The following ZNF143 variants were observed in gnomAD, a reference collection of about 807,000 sequenced individuals.
ZNF143 encodes SPH-binding factor.
A neutral mutation model predicts 74.1 loss-of-function variants in ZNF143; 49 were observed. The observed-to-expected ratio is 0.66, with a 90% CI of 0.53 to 0.84. ZNF143 has a LOEUF of 0.84. ZNF143 is among the 40% of genes least tolerant of loss of function. ZNF143 has a pLI of 0.00. For missense variants in ZNF143, 637 were observed against 793.4 expected, an observed-to-expected ratio of 0.80 and a Z score of 2.37; for synonymous variants, 304 against 282.8, an observed-to-expected ratio of 1.07 and a Z score of -0.75.
At chr11:9,473,850 G>A (rs1856728521) in intron 3 of ZNF143, 91 bp from the exon 4 acceptor site, 1 of 1,609,742 alleles carries the variant, frequency 6.2e-7, no homozygotes, top group Non-Finnish European at 8.5e-7. Flanking sequence ...CTTAAGTTGT[G>A]TATGTTTTTA....
intron 1 of ZNF143, among the ~76,000 whole-genome samples, chr11:9,462,734 G>A (rs911791980): frequency 6.6e-6 from 1 of 152,064 alleles, no homozygotes; most frequent in African/African-American, 2.4e-5. Context: ...AATTAGCCGG[G>A]TGTGGTGGCA....
At chr11:9,500,389 A>G (rs1339947817) in intron 10 of ZNF143, among the ~76,000 whole-genome samples, 2 of 151,056 alleles carry the variant, frequency 1.3e-5, no homozygotes, top group Non-Finnish European at 2.9e-5. Flanking sequence ...CTATTTCCTG[A>G]CACAGTTAAT....
chr11:9,484,276 C>T (rs886782470), intron 7 of ZNF143, among the ~76,000 whole-genome samples: 6 of 151,346 alleles, frequency 4.0e-5, no homozygotes, highest in Non-Finnish European at 8.8e-5. Flanking sequence ...TCACTGCAGC[C>T]ACTGCCTCCT....
At chr11:9,465,157 G>T (rs1856119073) in intron 1 of ZNF143, among the ~76,000 whole-genome samples, 1 of 152,108 alleles carries the variant, frequency 6.6e-6, no homozygotes, top group Admixed American at 6.6e-5. Flanking sequence ...TGTTTGATTT[G>T]TTAAGCTATT....
intron 12 of ZNF143, among the ~76,000 whole-genome samples, chr11:9,510,131 T>A (rs1468733433): frequency 1.3e-5 from 2 of 151,476 alleles, no homozygotes; most frequent in South Asian, 2.1e-4. Context: ...TTTTTTTTTT[T>A]TTTTTATTTT....
At chr11:9,498,343 C>T (rs1213927581) in intron 10 of ZNF143, among the ~76,000 whole-genome samples, 1 of 152,204 alleles carries the variant, frequency 6.6e-6, no homozygotes, top group African/African-American at 2.4e-5. Flanking sequence ...CCCTAGACCA[C>T]GAGCTCTCTC....
At chr11:9,500,128 G>A (rs1397998347) in intron 10 of ZNF143, among the ~76,000 whole-genome samples, 1 of 151,814 alleles carries the variant, frequency 6.6e-6, no homozygotes, top group Non-Finnish European at 1.5e-5. Context: ...AATTTTTTTT[G>A]TAGAGACGGG....
chr11:9,515,029 G>A (rs1848674889), intron 13 of ZNF143, among the ~76,000 whole-genome samples: 1 of 152,160 alleles, frequency 6.6e-6, no homozygotes, highest in African/African-American at 2.4e-5. Context: ...TCGGGAGGCT[G>A]AGGCAGGAGA....
chr11:9,504,309 A>G (rs1354999581), intron 11 of ZNF143, among the ~76,000 whole-genome samples: 2 of 116,508 alleles, frequency 1.7e-5, no homozygotes, highest in Non-Finnish European at 4.1e-5. Flanking sequence ...TCTTTGGAGA[A>G]ATGTCTATTC....
intron 7 of ZNF143, among the ~76,000 whole-genome samples, chr11:9,479,812 A>G (rs184660869): frequency 2.6e-5 from 4 of 152,228 alleles, no homozygotes; most frequent in Admixed American, 6.5e-5. Flanking sequence ...TTTTCTGGAC[A>G]AGGCAGTTGT....
Position 9,486,403 on chromosome 11 carries a change from T to A in ZNF143, c.645+6857T>A, listed in dbSNP as rs79894810. Among the ~76,000 whole-genome samples, 65 of 17,118 alleles carry A rather than the reference T, an allele frequency of 3.8e-3. 2 individuals are homozygous for A. The highest frequency in any genetic ancestry group is 0.012 in the South Asian group (6 of 520). 11.2% of individuals were successfully genotyped at this position (17,118 alleles called of 152,430 possible). A position where few individuals can be genotyped will look rare whatever the true frequency, so the allele number is the denominator to read the frequency against. On this transcript the variant is annotated intron_variant, in intron 7 of 15. Transcript: ENST00000396602. ...TATATATATAATATATATAATATAT[T>A]ATATATATAATATATATTATATATA...
chr11:9,495,614 T>C (rs1450923421), intron 8 of ZNF143, among the ~76,000 whole-genome samples: 2 of 152,240 alleles, frequency 1.3e-5, no homozygotes, highest in Non-Finnish European at 2.9e-5. Flanking sequence ...ATCTTCACTA[T>C]TTATCAGTAA....
At chr11:9,518,568 T>G (rs1589947917) in intron 14 of ZNF143, among the ~76,000 whole-genome samples, 1 of 151,950 alleles carries the variant, frequency 6.6e-6, no homozygotes, top group South Asian at 2.1e-4. Flanking sequence ...ACAAAAACAT[T>G]AGCCAGGCGT....
chr11:9,476,311 A>G (rs1009238431), intron 5 of ZNF143, among the ~76,000 whole-genome samples: 5 of 152,148 alleles, frequency 3.3e-5, no homozygotes, highest in African/African-American at 1.2e-4. Context: ...TGCTTGTCTC[A>G]TACTAAATGC....
chr11:9,461,497 C>G (rs1033111750), intron 1 of ZNF143, among the ~76,000 whole-genome samples: 2 of 152,156 alleles, frequency 1.3e-5, no homozygotes, highest in Non-Finnish European at 2.9e-5. Flanking sequence ...CCTGGGACGC[C>G]GGGCCCACGG....
intron 9 of ZNF143, among the ~76,000 whole-genome samples, chr11:9,496,595 C>T (rs1432518275): frequency 7.1e-6 from 1 of 140,544 alleles, no homozygotes; most frequent in Admixed American, 6.8e-5. Context: ...TTTTCTTTTT[C>T]TTTTTCTTTT....
At position 9,504,383 on chromosome 11, in the gene ZNF143, C is replaced by T. The variant is rs1315828176; in HGVS notation, c.1147+3113C>T. Among the ~76,000 whole-genome samples the T allele has an allele frequency of 3.9e-5, 5 of 126,830 alleles. 2 individuals are homozygous for T. Among genetic ancestry groups the T allele is most frequent in the Non-Finnish European group, 5.6e-5 (3 of 53,454 alleles). The allele number at this position is 126,830 out of a possible 152,430, so 83.2% of individuals were successfully genotyped here. On this transcript the variant is annotated intron_variant, in intron 11 of 15. Transcript: ENST00000396602. ...ATTACTGAGTTGTATAACTTTAATT[C>T]GAGAGACTTGAATCCAAGTCTCTTA...
rs541195432 is a variant in ZNF143 at position 9,507,619 on chromosome 11, G to T, written c.1148-1000G>T. Among the ~76,000 whole-genome samples the T allele has an allele frequency of 2.6e-5, 4 of 152,170 alleles. No individual in the cohort carries two copies. The South Asian group carries it at 8.3e-4, about 32-fold the overall frequency. On this transcript the variant is annotated intron_variant, in intron 11 of 15. Transcript: ENST00000396602. ...TTAATTTATTTGTTCCCCCACCCCA[G>T]CCCCTTCAGTGTAGTTAAAAGTATT...
intron 6 of ZNF143, 123 bp downstream of exon 6, chr11:9,478,709 C>T (rs1480882675): frequency 2.1e-5 from 23 of 1,109,296 alleles, no homozygotes; most frequent in Non-Finnish European, 2.8e-5. Context: ...CTGGGCATGG[C>T]GTGATGGCTC....
Sources: gnomAD v4.1 joint callset for allele counts (sites outside exome capture counted in the v4.1 genomes callset) on GRCh38, gnomAD v4.1.1 for gene constraint, MANE v1.5 for transcripts, NCBI Gene and HGNC (gene_info 2026-07-23, HGNC 2026-07-21) for gene names.